RPH3A: variants seen among roughly 807,000 people sequenced by gnomAD.
RPH3A encodes the protein rabphilin-3A.
In RPH3A, 48 loss-of-function variants were observed where a neutral mutation model predicts 102.2. The ratio of observed to expected loss-of-function variants is 0.47; its 90% CI spans 0.37 to 0.60. The LOEUF is 0.60. Among genes scored for constraint, RPH3A ranks in the 20% least tolerant of loss-of-function variants. The probability of loss-of-function intolerance (pLI) is 0.00; values close to 1 mark genes in which losing one functional copy is unlikely to be tolerated. For missense variants in RPH3A, 781 were observed against 910.1 expected (o/e 0.86, Z 1.83); for synonymous variants, 310 against 324.3 (o/e 0.96, Z 0.47).
intron 1 of RPH3A, among the ~76,000 whole-genome samples, chr12:112,616,358 G>T (rs1308158143): frequency 6.6e-6 from 1 of 152,228 alleles, no homozygotes; most frequent in Middle Eastern, 3.4e-3. Context: ...TGTTGGCCAG[G>T]CTGGTCTCGA....
intron 1 of RPH3A, among the ~76,000 whole-genome samples, chr12:112,636,359 T>A (rs1201895952): frequency 1.3e-5 from 2 of 152,242 alleles, no homozygotes; most frequent in Non-Finnish European, 2.9e-5. Flanking sequence ...GGGCTAACAA[T>A]GCAATGTCTG....
At chr12:112,872,779 A>T (rs1208806407) in intron 10 of RPH3A, among the ~76,000 whole-genome samples, 4 of 152,196 alleles carry the variant, frequency 2.6e-5, no homozygotes, top group Non-Finnish European at 5.9e-5. Context: ...GGACAAAGAC[A>T]GTCATAGGAC....
At chr12:112,827,497 T>C (rs2041898195) in intron 2 of RPH3A, among the ~76,000 whole-genome samples, 1 of 152,184 alleles carries the variant, frequency 6.6e-6, no homozygotes, top group African/African-American at 2.4e-5. Flanking sequence ...TTATGAATAA[T>C]GAATGAAATA....
chr12:112,621,732 T>C (rs1242702577), intron 1 of RPH3A, among the ~76,000 whole-genome samples: 1 of 152,134 alleles, frequency 6.6e-6, no homozygotes, highest in African/African-American at 2.4e-5. Context: ...TGCCTGCCAC[T>C]GTAGGCTTCA....
At chr12:112,644,358 G>C (rs1290973675) in intron 1 of RPH3A, among the ~76,000 whole-genome samples, 1 of 152,186 alleles carries the variant, frequency 6.6e-6, no homozygotes, top group Non-Finnish European at 1.5e-5. Flanking sequence ...GTTCAGTCCT[G>C]CTGGGGAACA....
chr12:112,585,926 C>A (rs183508820), intron 1 of RPH3A, among the ~76,000 whole-genome samples: 33 of 152,246 alleles, frequency 2.2e-4, no homozygotes, highest in Non-Finnish European at 3.1e-4. Context: ...TATGCAGATT[C>A]CTGGATCCCC....
chr12:112,894,569 G>A lies in RPH3A; in HGVS notation c.1776-9G>A, dbSNP rs140597395. The A allele has an allele frequency of 4.3e-5, 69 of 1,613,232 alleles. No homozygotes were observed. The East Asian group carries it at 6.0e-4, about 14-fold the overall frequency. ...GTCATCCATAATAGCATGTTGTGTC[G>A]CCTCCCAGCTGGCTGAAACCGGACA... On this transcript the variant is annotated splice_polypyrimidine_tract_variant and intron_variant, in intron 19 of 21. Coordinates refer to ENST00000389385, the MANE Select transcript of RPH3A (RefSeq NM_001143854.2).
chr12:112,877,991 G>A (rs1176348708), intron 13 of RPH3A, among the ~76,000 whole-genome samples: 5 of 152,178 alleles, frequency 3.3e-5, no homozygotes, highest in African/African-American at 7.2e-5. Flanking sequence ...AAGAGGTTGA[G>A]GGACTTGTCC....
chr12:112,825,171 A>G (rs551602617), intron 2 of RPH3A, among the ~76,000 whole-genome samples: 1 of 151,876 alleles, frequency 6.6e-6, no homozygotes, highest in Non-Finnish European at 1.5e-5. Flanking sequence ...TTTTTCAGCA[A>G]ATTTCTTTCA....
intron 4 of RPH3A, among the ~76,000 whole-genome samples, chr12:112,845,306 C>T (rs901823625): frequency 6.6e-6 from 1 of 152,192 alleles, no homozygotes; most frequent in Non-Finnish European, 1.5e-5. Context: ...CTCAATCTCT[C>T]CCCTCCCTTC....
chr12:112,890,155 CTCCCTGGCCCCTTCCTCA>C, intron 18 of RPH3A, 75 bp downstream of exon 18: 1 of 1,310,594 alleles, frequency 7.6e-7, no homozygotes, highest in East Asian at 2.3e-5. Flanking sequence ...TCTTCTCTCC[CTCCCTGGCCCCTTCCTCA>C]TCCATTCTCT....
intron 1 of RPH3A, among the ~76,000 whole-genome samples, chr12:112,779,439 A>T (rs759816978): frequency 6.6e-6 from 1 of 152,224 alleles, no homozygotes; most frequent in Non-Finnish European, 1.5e-5. Flanking sequence ...TGGGGCCTTC[A>T]GTCAATTAAG....
intron 5 of RPH3A, among the ~76,000 whole-genome samples, chr12:112,856,483 C>CGTGT (rs1565922472): frequency 1.2e-5 from 1 of 86,672 alleles, no homozygotes; most frequent in African/African-American, 6.4e-5. Flanking sequence ...CACACATGTG[C>CGTGT]ATGTGTGTGT....
intron 1 of RPH3A, among the ~76,000 whole-genome samples, chr12:112,715,169 C>G (rs1018356828): frequency 2.6e-5 from 4 of 152,180 alleles, no homozygotes; most frequent in African/African-American, 9.6e-5. Context: ...TTTGCTCCTG[C>G]CTTAGTACCT....
chr12:112,757,909 G>T (rs545256906), intron 1 of RPH3A, among the ~76,000 whole-genome samples: 69 of 152,244 alleles, frequency 4.5e-4, no homozygotes, highest in African/African-American at 1.6e-3. Flanking sequence ...TCACTTTCTG[G>T]CCAGAGTGAG....
At chr12:112,701,315 A>T (rs1380777697) in intron 1 of RPH3A, among the ~76,000 whole-genome samples, 1 of 152,156 alleles carries the variant, frequency 6.6e-6, no homozygotes, top group Admixed American at 6.5e-5. Flanking sequence ...AATCTGGTAC[A>T]ATGCGGGAAG....
chr12:112,712,962 T>TC (rs2040480452), intron 1 of RPH3A, among the ~76,000 whole-genome samples: 1 of 109,340 alleles, frequency 9.1e-6, no homozygotes, highest in East Asian at 2.9e-4. Flanking sequence ...TTCTTCTTCT[T>TC]CTTTCTTCTT....
intron 1 of RPH3A, among the ~76,000 whole-genome samples, chr12:112,736,672 G>A (rs2040671932): frequency 6.6e-6 from 1 of 152,128 alleles, no homozygotes; most frequent in African/African-American, 2.4e-5. Flanking sequence ...TCAGAATAGG[G>A]CTGACGCATA....
At chr12:112,820,947 A>G (rs1024727267) in intron 2 of RPH3A, among the ~76,000 whole-genome samples, 3 of 152,152 alleles carry the variant, frequency 2.0e-5, no homozygotes, top group Admixed American at 2.0e-4. Flanking sequence ...TGTCTCTGTC[A>G]TTGTCTCTGG....
Sources: gnomAD v4.1 joint callset for allele counts (sites outside exome capture counted in the v4.1 genomes callset) on GRCh38, gnomAD v4.1.1 for gene constraint, MANE v1.5 for transcripts, NCBI Gene and HGNC (gene_info 2026-07-23, HGNC 2026-07-21) for gene names.